Variants in WDR49 observed in about 807,000 individuals in gnomAD.
WDR49 encodes the protein WD repeat domain 49, also known as cilia- and flagella-associated protein 337.
A neutral mutation model predicts 119.5 loss-of-function variants in WDR49; 107 were observed. The ratio of observed to expected loss-of-function variants is 0.90; its 90% CI spans 0.77 to 1.05. WDR49 has a LOEUF of 1.05. Among genes scored for constraint, WDR49 ranks in the 50% least tolerant of loss-of-function variants. The pLI is 0.00. For missense variants in WDR49, 1,240 were observed against 1,220.5 expected (o/e 1.02, Z -0.24); for synonymous variants, 425 against 418.8 (o/e 1.01, Z -0.18).
chr3:167,572,116 T>C (rs182465995), intron 8 of WDR49, among the ~76,000 whole-genome samples: 8 of 152,360 alleles, frequency 5.3e-5, no homozygotes, highest in Admixed American at 2.0e-4. Context: ...GATGGTTCAT[T>C]AGATCTGCCT....
intron 9 of WDR49, among the ~76,000 whole-genome samples, chr3:167,558,620 G>A (rs146345570): frequency 6.7e-4 from 102 of 152,240 alleles, no homozygotes; most frequent in African/African-American, 2.2e-3. Flanking sequence ...CATCCATGTC[G>A]CTATGTTTTC....
chr3:167,562,065 C>G (rs1332378065), intron 8 of WDR49, among the ~76,000 whole-genome samples: 1 of 151,920 alleles, frequency 6.6e-6, no homozygotes, highest in Non-Finnish European at 1.5e-5. Context: ...GTAAGCAGCT[C>G]CAAAGAATAT....
intron 8 of WDR49, chr3:167,575,378 G>A (rs181450116): frequency 4.3e-4 from 329 of 770,848 alleles, no homozygotes; most frequent in Non-Finnish European, 4.6e-4. Context: ...GCTGCGGAGC[G>A]TCATTAAACT....
chr3:167,627,341 A>G (rs1717177533), intron 2 of WDR49, 49 bp from the exon 3 acceptor site: 24 of 1,223,908 alleles, frequency 2.0e-5, no homozygotes, highest in East Asian at 3.2e-5. Flanking sequence ...TGAAATCATC[A>G]TATGCATGAG....
chr3:167,509,636 C>T (rs1208295135), intron 16 of WDR49, among the ~76,000 whole-genome samples: 1 of 152,108 alleles, frequency 6.6e-6, no homozygotes. Flanking sequence ...AGCAAGATGA[C>T]CTTTAGCAAG....
At chr3:167,611,934 G>C (rs926308672) in intron 5 of WDR49, among the ~76,000 whole-genome samples, 1 of 152,094 alleles carries the variant, frequency 6.6e-6, no homozygotes, top group Non-Finnish European at 1.5e-5. Context: ...AGAACTTCTG[G>C]AAAGAAAATC....
chr3:167,636,678 T>C (rs1354175294), intron 2 of WDR49, among the ~76,000 whole-genome samples: 3 of 151,766 alleles, frequency 2.0e-5, no homozygotes, highest in Non-Finnish European at 4.4e-5. Context: ...TTTTTGATTA[T>C]GGTCATTCTG....
At chr3:167,593,016 G>T (rs1008757327) in intron 7 of WDR49, among the ~76,000 whole-genome samples, 3 of 151,990 alleles carry the variant, frequency 2.0e-5, no homozygotes, top group African/African-American at 7.2e-5. Flanking sequence ...TTCTCTTACT[G>T]CCCTTAGGAT....
At chr3:167,636,917 T>C (rs1717647882) in intron 2 of WDR49, among the ~76,000 whole-genome samples, 1 of 151,680 alleles carries the variant, frequency 6.6e-6, no homozygotes, top group Non-Finnish European at 1.5e-5. Context: ...GTATAAAGTG[T>C]GAAGATTTCC....
intron 3 of WDR49, among the ~76,000 whole-genome samples, chr3:167,624,372 A>G (rs1354174376): frequency 6.6e-6 from 1 of 151,802 alleles, no homozygotes; most frequent in Non-Finnish European, 1.5e-5. Context: ...GAAAAAAAGG[A>G]GTACACACAG....
chr3:167,511,936 T>G (rs1751991997), intron 16 of WDR49, among the ~76,000 whole-genome samples: 1 of 151,848 alleles, frequency 6.6e-6, no homozygotes, highest in African/African-American at 2.4e-5. Context: ...CAGCCAGGGG[T>G]TTATAGGCAG....
chr3:167,599,011 C>T (rs1012629539), intron 7 of WDR49, among the ~76,000 whole-genome samples: 11 of 152,214 alleles, frequency 7.2e-5, no homozygotes, highest in African/African-American at 2.7e-4. Flanking sequence ...GCCATCACCA[C>T]TGAGACTGTG....
At chr3:167,607,425 C>T (rs562354229) in intron 5 of WDR49, among the ~76,000 whole-genome samples, 8 of 152,288 alleles carry the variant, frequency 5.3e-5, no homozygotes, top group Admixed American at 3.9e-4. Flanking sequence ...CCTATGACTA[C>T]TTTAAATAGT....
At chr3:167,638,855 G>C (rs1164845515) in intron 2 of WDR49, among the ~76,000 whole-genome samples, 1 of 151,472 alleles carries the variant, frequency 6.6e-6, no homozygotes, top group African/African-American at 2.4e-5. Flanking sequence ...CTGAATTTAA[G>C]GTTTGGAACC....
intron 2 of WDR49, among the ~76,000 whole-genome samples, chr3:167,647,523 A>T (rs1434190876): frequency 6.6e-6 from 1 of 152,206 alleles, no homozygotes; most frequent in Non-Finnish European, 1.5e-5. Context: ...GAATTTTAAC[A>T]AATCAGATAA....
intron 3 of WDR49, among the ~76,000 whole-genome samples, chr3:167,626,545 T>C (rs1238558812): frequency 6.6e-6 from 1 of 152,018 alleles, no homozygotes; most frequent in African/African-American, 2.4e-5. Flanking sequence ...AATCTTGCCA[T>C]GCACTATAAT....
At chr3:167,575,879 GAT>G in intron 8 of WDR49, 37 bp downstream of exon 8, 1 of 1,589,568 alleles carries the variant, frequency 6.3e-7, no homozygotes. Flanking sequence ...TGGACTTGGA[GAT>G]ATGTTAGGAG....
intron 2 of WDR49, among the ~76,000 whole-genome samples, chr3:167,644,331 T>C (rs1359210660): frequency 6.6e-6 from 1 of 152,102 alleles, no homozygotes; most frequent in Non-Finnish European, 1.5e-5. Context: ...TGAATTATGG[T>C]ATAGATAAGG....
At chr3:167,516,056 G>T (rs993308270) in intron 16 of WDR49, among the ~76,000 whole-genome samples, 4 of 152,126 alleles carry the variant, frequency 2.6e-5, no homozygotes, top group Admixed American at 6.6e-5. Context: ...TCGCCATACT[G>T]CCCAAAGTAA....
Sources: allele counts gnomAD v4.1 joint callset (sites outside exome capture counted in the v4.1 genomes callset), GRCh38; gene constraint gnomAD v4.1.1; transcripts MANE v1.5; gene names NCBI Gene and HGNC (gene_info 2026-07-23, HGNC 2026-07-21).